PER2: variants seen among roughly 807,000 people sequenced by gnomAD.
The protein encoded by PER2 is period circadian protein homolog 2.
In PER2, 66 loss-of-function variants were observed where a neutral mutation model predicts 121.0. The observed-to-expected ratio is 0.55, with a 90% CI of 0.45 to 0.67. The LOEUF (loss-of-function observed/expected upper bound fraction) is 0.67, where lower values mean the gene tolerates loss of function less well. PER2 is among the 30% of genes least tolerant of loss of function. PER2 has a pLI of 0.00. For missense variants in PER2, 1,521 were observed against 1,635.0 expected, an observed-to-expected ratio of 0.93 and a Z score of 1.20; for synonymous variants, 684 against 659.9, an observed-to-expected ratio of 1.04 and a Z score of -0.56.
At chr2:238,273,263 A>G (rs2304674) in intron 4 of PER2, 72 bp from the exon 5 acceptor site, 429,383 of 1,497,376 alleles carry the variant, frequency 0.29, 63,915 homozygotes, top group African/African-American at 0.48. Flanking sequence ...TAGCTCTTAC[A>G]AACTGAGGGC....
chr2:238,265,658 T>C (rs1696069726), intron 8 of PER2, 68 bp from the exon 9 acceptor site: 2 of 989,284 alleles, frequency 2.0e-6, no homozygotes, highest in African/African-American at 1.6e-5. Context: ...ATATTAAAAC[T>C]ACCAGAAAAC....
intron 1 of PER2, among the ~76,000 whole-genome samples, chr2:238,287,378 T>C (rs1696820039): frequency 6.6e-6 from 1 of 152,242 alleles, no homozygotes; most frequent in Non-Finnish European, 1.5e-5. Flanking sequence ...AGAGTCCTGT[T>C]TTCTTCTCAG....
chr2:238,292,823 C>T (rs189732738), upstream of PER2, among the ~76,000 whole-genome samples: 83 of 151,302 alleles, frequency 5.5e-4, no homozygotes, highest in East Asian at 0.015. Flanking sequence ...CTGCAACCTC[C>T]GCTTCCTGGG....
At chr2:238,262,493 C>T (rs1695966173) in intron 10 of PER2, 149 bp from the exon 11 acceptor site, 1 of 717,940 alleles carries the variant, frequency 1.4e-6, no homozygotes, top group East Asian at 2.7e-5. Flanking sequence ...TTTCAACCTC[C>T]TGTTTTTGCT....
rs1288772111 is a variant in PER2 at position 238,245,816 on chromosome 2, A to C, written c.*559T>G. 1 of 396,990 alleles carries C rather than the reference A, an allele frequency of 2.5e-6. No individual in the cohort carries two copies. Among genetic ancestry groups the C allele is most frequent in the Admixed American group, 4.4e-5 (1 of 22,694 alleles). 24.6% of individuals were successfully genotyped at this position (396,990 alleles called of 1,614,324 possible). On this transcript the variant is annotated 3_prime_UTR_variant, in exon 23 of 23. Coordinates refer to ENST00000254657, the MANE Select transcript of PER2 (RefSeq NM_022817.3). ...CAGAAGCCAAAGCTGTTGGTTTGCC[A>C]AACAACGCTTCACACCATTTAATGT...
At chr2:238,250,806 G>A (rs1695578140) in intron 20 of PER2, 63 bp from the exon 21 acceptor site, 1 of 1,185,998 alleles carries the variant, frequency 8.4e-7, no homozygotes, top group East Asian at 2.3e-5. Flanking sequence ...CTTGCATAAT[G>A]TGCTTCCTCA....
the PER2 span, among the ~76,000 whole-genome samples, chr2:238,295,144 G>T: frequency 1.5e-4 from 23 of 152,322 alleles, no homozygotes; most frequent in African/African-American, 5.5e-4. Context: ...TCTCCCTGGT[G>T]CCCAACATGG....
chr2:238,275,960 C>A (rs561551197), intron 3 of PER2, 63 bp from the exon 4 acceptor site: 2 of 1,567,652 alleles, frequency 1.3e-6, no homozygotes, highest in African/African-American at 2.7e-5. Flanking sequence ...CCTGAAGAAA[C>A]GTGCCTCTTG....
At chr2:238,270,744 C>T (rs1251060363) in intron 6 of PER2, among the ~76,000 whole-genome samples, 5 of 152,198 alleles carry the variant, frequency 3.3e-5, no homozygotes, top group South Asian at 2.1e-4. Flanking sequence ...GCAGGGTAGA[C>T]GGTGGCTACA....
intron 1 of PER2, among the ~76,000 whole-genome samples, chr2:238,282,163 G>A (rs1696649135): frequency 2.0e-5 from 3 of 152,202 alleles, no homozygotes. Context: ...AATCTCCTGG[G>A]CATGTCCTGT....
chr2:238,293,802 C>T (rs2106340419), upstream of PER2, among the ~76,000 whole-genome samples: 1 of 151,886 alleles, frequency 6.6e-6, no homozygotes, highest in East Asian at 1.9e-4. Context: ...GAGACGAAAG[C>T]TGTGCCCTTT....
intron 4 of PER2, among the ~76,000 whole-genome samples, chr2:238,274,318 C>T (rs540199955): frequency 7.6e-4 from 116 of 152,312 alleles, no homozygotes; most frequent in African/African-American, 2.6e-3. Context: ...GCTCAACAGG[C>T]CCCGGACACA....
chr2:238,287,722 T>C lies in PER2; in HGVS notation c.-20+627A>G, dbSNP rs565849092. ...TCTGGGTGATTTTCAGGGTGCCTTCTGGCTCTGTTGTTCTGTATGAATCAG... is the reference window on the plus strand; with the variant it reads ...TCTGGGTGATTTTCAGGGTGCCTTCCGGCTCTGTTGTTCTGTATGAATCAG... On this transcript the variant is annotated intron_variant, in intron 1 of 22. Coordinates refer to ENST00000254657, the MANE Select transcript of PER2 (RefSeq NM_022817.3). Among the ~76,000 whole-genome samples, 3 of 152,350 alleles carry C rather than the reference T, an allele frequency of 2.0e-5. No homozygotes were observed. In the South Asian group the frequency reaches 6.2e-4, roughly 32 times the overall value.
intron 1 of PER2, among the ~76,000 whole-genome samples, chr2:238,282,891 G>A (rs1696671966): frequency 2.0e-5 from 3 of 152,216 alleles, no homozygotes; most frequent in Admixed American, 1.3e-4. Context: ...TTGCGCACGA[G>A]CCCTCGTGTG....
Position 238,256,907 on chromosome 2 carries a change from A to G in PER2, c.2065+15T>C. ...AAATCAAACTGCTCTCTGATCCAAG[A>G]GCCCATAGTCATACCTAACTCCGGC... On this transcript the variant is annotated intron_variant, in intron 17 of 22. Coordinates refer to ENST00000254657, the MANE Select transcript of PER2 (RefSeq NM_022817.3). 6.2e-7 allele frequency: 1 copy of G among 1,611,216 alleles called. No homozygotes were observed. Among genetic ancestry groups the G allele is most frequent in the Non-Finnish European group, 8.5e-7 (1 of 1,178,440 alleles).
upstream of PER2, chr2:238,289,138 C>T (rs1165844937): frequency 2.0e-5 from 3 of 152,184 alleles, no homozygotes; most frequent in South Asian, 2.1e-4. Flanking sequence ...CGCGGGGCTC[C>T]TGCGCACCTC....
chr2:238,257,985 G>A (rs941549729), intron 16 of PER2, among the ~76,000 whole-genome samples: 3 of 152,238 alleles, frequency 2.0e-5, no homozygotes, highest in Admixed American at 1.3e-4. Context: ...CAGTGTGGCC[G>A]CATGAAGGGG....
rs368598475 is a variant in PER2, at chr2:238,248,756, C to T, written c.3618+306G>A. ...CTGCAAGCTCTGCCTCCGGGGTTCC[C>T]GCCATTCTCCTGCCTCAGCCTCCTG... On this transcript the variant is annotated intron_variant, in intron 22 of 22. Transcript: ENST00000254657. 1.3e-5 allele frequency among the ~76,000 whole-genome samples: 2 copies of T among 151,972 alleles called. 1 individual carries two copies. Among genetic ancestry groups the T allele is most frequent in the South Asian group, 4.2e-4 (2 of 4,814 alleles).
In PER2 at chr2:238,260,828, G is replaced by A. The variant is rs766111036; in HGVS notation, c.1542C>T (p.Ala514=). 14 of 1,613,954 alleles carry A rather than the reference G, an allele frequency of 8.7e-6. No individual in the cohort carries two copies. Among genetic ancestry groups the A allele is most frequent in the Admixed American group, 1.7e-5 (1 of 60,016 alleles). The change falls in exon 13 of 23, where the codon GCC becomes GCT. Residue 514 remains alanine, a splice_region_variant and synonymous_variant. Coordinates refer to ENST00000254657, the MANE Select transcript of PER2 (RefSeq NM_022817.3). ...NGHEDSRRRR[A]EICKNGNKTK... is the part of the protein sequence containing the mutation. ...TCAGGGAGAATGGAAGGAGACGTAC[G>A]GCTCTCCTCCGGCGTGAGTCCTCAT...
Sources: gnomAD v4.1 joint callset for allele counts (sites outside exome capture counted in the v4.1 genomes callset) on GRCh38, gnomAD v4.1.1 for gene constraint, MANE v1.5 for transcripts, NCBI Gene and HGNC (gene_info 2026-07-23, HGNC 2026-07-21) for gene names.